Variants in FBXL7 observed in about 807,000 individuals in gnomAD.
The protein encoded by FBXL7 is F-box/LRR-repeat protein 7.
Under a neutral mutation model 38.3 loss-of-function variants are expected in FBXL7, and 12 were observed. That is an observed-to-expected ratio of 0.31 (90% CI 0.20 to 0.51). The LOEUF is 0.51. Ranked by LOEUF, FBXL7 falls within the 20% of genes least tolerant of loss-of-function variation. The pLI is 0.98. For missense variants in FBXL7, 567 were observed against 676.4 expected (o/e 0.84, Z 1.79); for synonymous variants, 297 against 300.9 (o/e 0.99, Z 0.13).
At chr5:15,924,181 T>C (rs1388317040) in intron 2 of FBXL7, among the ~76,000 whole-genome samples, 1 of 152,246 alleles carries the variant, frequency 6.6e-6, no homozygotes, top group Non-Finnish European at 1.5e-5. Flanking sequence ...AAAGATTTGC[T>C]ATTCATTCTA....
chr5:15,541,269 TCTC>T (rs1737733946), intron 1 of FBXL7, among the ~76,000 whole-genome samples: 1 of 151,434 alleles, frequency 6.6e-6, no homozygotes, highest in African/African-American at 2.4e-5. Context: ...GTTTATTTTT[TCTC>T]CTCATTTTGT....
At chr5:15,744,716 CACT>C (rs1735971479) in intron 2 of FBXL7, among the ~76,000 whole-genome samples, 1 of 152,188 alleles carries the variant, frequency 6.6e-6, no homozygotes, top group South Asian at 2.1e-4. Context: ...TCCATTCTCA[CACT>C]ACTAATAAAG....
chr5:15,884,406 A>T (rs1358895189), intron 2 of FBXL7, among the ~76,000 whole-genome samples: 8 of 152,034 alleles, frequency 5.3e-5, no homozygotes, highest in Non-Finnish European at 8.8e-5. Flanking sequence ...AGCTGGGACT[A>T]CAGGTACCTG....
intron 1 of FBXL7, among the ~76,000 whole-genome samples, chr5:15,569,497 C>G (rs1474014977): frequency 6.6e-6 from 1 of 151,078 alleles, no homozygotes; most frequent in African/African-American, 2.4e-5. Flanking sequence ...TGGGCTGAGA[C>G]GATGGGGTTT....
At chr5:15,889,321 A>C (rs1390650870) in intron 2 of FBXL7, among the ~76,000 whole-genome samples, 5 of 152,192 alleles carry the variant, frequency 3.3e-5, no homozygotes, top group Non-Finnish European at 2.9e-5. Flanking sequence ...ACCTGGGATT[A>C]AGATTCCTTG....
intron 2 of FBXL7, among the ~76,000 whole-genome samples, chr5:15,758,288 A>T (rs894084310): frequency 6.6e-6 from 1 of 152,068 alleles, no homozygotes; most frequent in African/African-American, 2.4e-5. Flanking sequence ...TCTTAAGGCG[A>T]GAAAGGACTT....
At chr5:15,635,176 C>CT (rs1436763333) in intron 2 of FBXL7, among the ~76,000 whole-genome samples, 1 of 152,088 alleles carries the variant, frequency 6.6e-6, no homozygotes, top group Non-Finnish European at 1.5e-5. Flanking sequence ...TGTGGCATGA[C>CT]TGAGGTCACT....
At chr5:15,738,382 T>C (rs563281732) in intron 2 of FBXL7, among the ~76,000 whole-genome samples, 44 of 152,326 alleles carry the variant, frequency 2.9e-4, no homozygotes, top group African/African-American at 1.1e-3. Context: ...TCATACCTAA[T>C]TGTAAGCCCT....
intron 2 of FBXL7, among the ~76,000 whole-genome samples, chr5:15,789,341 T>A (rs1737213584): frequency 6.6e-6 from 1 of 152,036 alleles, no homozygotes; most frequent in South Asian, 2.1e-4. Flanking sequence ...CCAGCCAGGG[T>A]GTTTGATAGG....
intron 2 of FBXL7, among the ~76,000 whole-genome samples, chr5:15,843,094 A>C (rs1738793191): frequency 6.6e-6 from 1 of 152,152 alleles, no homozygotes; most frequent in Non-Finnish European, 1.5e-5. Context: ...TCTCTATATA[A>C]TTTTCAGGAA....
chr5:15,751,357 T>C (rs1442428111), intron 2 of FBXL7, among the ~76,000 whole-genome samples: 1 of 152,136 alleles, frequency 6.6e-6, no homozygotes, highest in Non-Finnish European at 1.5e-5. Context: ...GTGGATAATG[T>C]TTGAAAGGAA....
chr5:15,823,984 G>A (rs542077837), intron 2 of FBXL7, among the ~76,000 whole-genome samples: 2 of 152,218 alleles, frequency 1.3e-5, no homozygotes, highest in African/African-American at 4.8e-5. Context: ...GAGATTAAAC[G>A]TAAACCATTT....
chr5:15,681,331 A>C (rs1048132254), intron 2 of FBXL7, among the ~76,000 whole-genome samples: 5 of 152,214 alleles, frequency 3.3e-5, no homozygotes, highest in African/African-American at 1.2e-4. Context: ...CTGTATACTC[A>C]TCAGTAGGGG....
At chr5:15,880,934 T>G (rs941240989) in intron 2 of FBXL7, among the ~76,000 whole-genome samples, 3 of 151,870 alleles carry the variant, frequency 2.0e-5, no homozygotes, top group South Asian at 2.1e-4. Context: ...TAGTACTGTT[T>G]TTTATTTTGG....
intron 2 of FBXL7, among the ~76,000 whole-genome samples, chr5:15,803,816 C>T (rs1274153249): frequency 6.6e-6 from 1 of 152,180 alleles, no homozygotes; most frequent in African/African-American, 2.4e-5. Flanking sequence ...GGCAAGGACT[C>T]TGTGCAAGTG....
intron 2 of FBXL7, among the ~76,000 whole-genome samples, chr5:15,760,271 TC>T (rs1188985001): frequency 6.6e-6 from 1 of 152,096 alleles, no homozygotes. Context: ...CTGCAGTTAT[TC>T]ATGTCATAGG....
chr5:15,878,209 CG>C (rs1740291030), intron 2 of FBXL7, among the ~76,000 whole-genome samples: 1 of 152,114 alleles, frequency 6.6e-6, no homozygotes, highest in Non-Finnish European at 1.5e-5. Context: ...GCAGAAGTTG[CG>C]GGGAGTCAGG....
At chr5:15,888,440 G>A (rs1158215315) in intron 2 of FBXL7, among the ~76,000 whole-genome samples, 1 of 151,922 alleles carries the variant, frequency 6.6e-6, no homozygotes, top group Non-Finnish European at 1.5e-5. Flanking sequence ...TGTTGGCCAG[G>A]CTGGTCTCGA....
At chr5:15,593,259 C>T (rs1180126167) in intron 1 of FBXL7, among the ~76,000 whole-genome samples, 1 of 152,058 alleles carries the variant, frequency 6.6e-6, no homozygotes, top group Non-Finnish European at 1.5e-5. Flanking sequence ...TGCAGTGGCT[C>T]ACACCTATAA....
Sources: allele counts gnomAD v4.1 joint callset (sites outside exome capture counted in the v4.1 genomes callset), GRCh38; gene constraint gnomAD v4.1.1; transcripts MANE v1.5; gene names NCBI Gene and HGNC (gene_info 2026-07-23, HGNC 2026-07-21).